Variants in PIWIL4 observed in about 807,000 individuals in gnomAD.
The protein encoded by PIWIL4 is piwi-like protein 4.
Under a neutral mutation model 100.9 loss-of-function variants are expected in PIWIL4, and 50 were observed. The observed-to-expected ratio is 0.50, with a 90% CI of 0.39 to 0.63. The LOEUF is 0.63. Ranked by LOEUF, PIWIL4 falls within the 20% of genes least tolerant of loss-of-function variation. The pLI, the probability that PIWIL4 is intolerant of heterozygous loss-of-function variation, is 0.00. For synonymous variants in PIWIL4, 342 were observed against 367.5 expected (o/e 0.93, Z 0.79); for missense variants, 887 against 1,043.3 (o/e 0.85, Z 2.06).
chr11:94,570,616 C>T (rs1049971819), intron 2 of PIWIL4, among the ~76,000 whole-genome samples: 5 of 152,012 alleles, frequency 3.3e-5, no homozygotes, highest in African/African-American at 7.2e-5. Flanking sequence ...CCAGGCCGGG[C>T]GTGATGGCTC....
chr11:94,578,730 T>C (rs1467822723), intron 4 of PIWIL4, among the ~76,000 whole-genome samples: 2 of 152,256 alleles, frequency 1.3e-5, no homozygotes, highest in Non-Finnish European at 2.9e-5. Flanking sequence ...GTCTTATTCT[T>C]AGTGTCTCAC....
Position 94,567,625 on chromosome 11 carries a change from C to T in PIWIL4, c.87+20C>T, listed in dbSNP as rs767224317. ...CCATTGGTGTGTAGAATGCTTATTGCGCATGGTTTCGTTTTCTCCTACCTC... is the reference window on the plus strand; with the variant it reads ...CCATTGGTGTGTAGAATGCTTATTGTGCATGGTTTCGTTTTCTCCTACCTC... On this transcript the variant is annotated intron_variant, in intron 1 of 19. Coordinates refer to ENST00000299001, the MANE Select transcript of PIWIL4 (RefSeq NM_152431.3). The T allele has an allele frequency of 3.2e-6, 5 of 1,568,790 alleles. No individual in the cohort carries two copies. Among genetic ancestry groups the T allele is most frequent in the Non-Finnish European group, 2.6e-6 (3 of 1,153,374 alleles).
intron 11 of PIWIL4, among the ~76,000 whole-genome samples, chr11:94,600,570 G>A (rs1185548454): frequency 2.0e-5 from 3 of 152,224 alleles, no homozygotes; most frequent in East Asian, 1.9e-4. Flanking sequence ...ACAGGACCGG[G>A]CGAAATTAAA....
chr11:94,569,808 G>A lies in PIWIL4; in HGVS notation c.166+1000G>A, dbSNP rs558772590. Among the ~76,000 whole-genome samples the A allele has an allele frequency of 4.0e-5, 6 of 151,896 alleles. No individual in the cohort carries two copies. The East Asian group carries it at 7.7e-4, about 20-fold the overall frequency. Reference sequence around the variant, plus strand: ...GTGGAATAATAGACATTGGAGACTCGGAAGGTTGGGAGGGTGGGAGGGGAG... The same window carrying A: ...GTGGAATAATAGACATTGGAGACTCAGAAGGTTGGGAGGGTGGGAGGGGAG... On this transcript the variant is annotated intron_variant, in intron 2 of 19. Transcript: ENST00000299001.
intron 10 of PIWIL4, among the ~76,000 whole-genome samples, chr11:94,596,241 A>T (rs957139277): frequency 1.3e-5 from 2 of 150,400 alleles, no homozygotes; most frequent in African/African-American, 4.9e-5. Context: ...TATATTGTTG[A>T]TCAACAGTCT....
chr11:94,598,342 A>C (rs1948585677), intron 11 of PIWIL4, among the ~76,000 whole-genome samples: 1 of 152,198 alleles, frequency 6.6e-6, no homozygotes, highest in Admixed American at 6.5e-5. Flanking sequence ...TTGCCATGTC[A>C]GTTATGTATG....
At chr11:94,585,394 A>G in intron 5 of PIWIL4, 51 bp from the exon 6 acceptor site, 1 of 1,291,998 alleles carries the variant, frequency 7.7e-7, no homozygotes, top group Non-Finnish European at 1.1e-6. Context: ...ACTTAGAATT[A>G]CACTGTTACT....
chr11:94,578,559 A>G (rs1003124020), intron 4 of PIWIL4, among the ~76,000 whole-genome samples: 1 of 152,182 alleles, frequency 6.6e-6, no homozygotes, highest in African/African-American at 2.4e-5. Context: ...ATCCATTCGT[A>G]AACTGCTGAT....
Position 94,568,749 on chromosome 11 carries a change from G to A in PIWIL4, c.107G>A (p.Ser36Asn). 1 of 1,608,042 alleles carries A rather than the reference G, an allele frequency of 6.2e-7. No homozygotes were observed. Among genetic ancestry groups the A allele is most frequent in the Non-Finnish European group, 8.5e-7 (1 of 1,174,580 alleles). ...TTTTAGCCTAGATCTGTTGATCTTA[G>A]TAACAATGAAGCATCCTCTAGCAAT... is the stretch of plus-strand genomic sequence containing the variant. ...ASPLPRSVDL[S>N]NNEASSSNGF... Residue 36 changes from serine (S) to asparagine (N), a missense_variant, in exon 2 of 20, where the codon AGT becomes AAT. Physicochemically the swap from Ser to Asn is conservative, Grantham distance 46 (BLOSUM62 1). This residue lies in a region of PIWIL4 where 146 missense variants were observed against 113.4 expected (regional missense o/e 1.29). Coordinates refer to ENST00000299001, the MANE Select transcript of PIWIL4 (RefSeq NM_152431.3).
chr11:94,592,986 A>C lies in PIWIL4; in HGVS notation c.1027-532A>C, dbSNP rs559573186. On this transcript the variant is annotated intron_variant, in intron 8 of 19. Transcript: ENST00000299001. ...AGCAAATAGAAGAGCTGGGGATCAGATTCACATTTGTCAGACTTCAGGGCT... is the reference window on the plus strand; with the variant it reads ...AGCAAATAGAAGAGCTGGGGATCAGCTTCACATTTGTCAGACTTCAGGGCT... Among the ~76,000 whole-genome samples, 17 of 152,330 alleles carry C rather than the reference A, an allele frequency of 1.1e-4. No homozygotes were observed. The South Asian group carries it at 3.5e-3, about 32-fold the overall frequency.
intron 15 of PIWIL4, among the ~76,000 whole-genome samples, chr11:94,612,608 A>G (rs1252368844): frequency 6.6e-6 from 1 of 151,776 alleles, no homozygotes; most frequent in Non-Finnish European, 1.5e-5. Flanking sequence ...TTTTTTGTAG[A>G]TTGTTTCTTT....
At chr11:94,617,881 C>T (rs1278877718) in intron 16 of PIWIL4, 73 bp from the exon 17 acceptor site, 2 of 1,505,078 alleles carry the variant, frequency 1.3e-6, no homozygotes, top group South Asian at 2.3e-5. Context: ...TTAAACACTG[C>T]AATATATGGG....
chr11:94,615,799 A>G (rs1311655830), intron 15 of PIWIL4, among the ~76,000 whole-genome samples: 1 of 152,166 alleles, frequency 6.6e-6, no homozygotes, highest in Admixed American at 6.6e-5. Context: ...CACCACATGT[A>G]GCTGTATTAC....
At chr11:94,592,671 T>C (rs1948503073) in intron 8 of PIWIL4, among the ~76,000 whole-genome samples, 1 of 152,236 alleles carries the variant, frequency 6.6e-6, no homozygotes, top group Non-Finnish European at 1.5e-5. Flanking sequence ...CCCAGGCATT[T>C]TGTAAATTAT....
In PIWIL4 at chr11:94,585,495, C is replaced by T. The variant is rs766088091; in HGVS notation, c.686C>T (p.Pro229Leu). 6.2e-7 allele frequency: 1 copy of T among 1,610,036 alleles called. No homozygotes were observed. The highest frequency in any genetic ancestry group is 2.2e-5 in the East Asian group (1 of 44,766). Residue 229 changes from proline to leucine, a missense_variant, in exon 6 of 20, where the codon CCT (proline) becomes CTT (leucine). Pro to Leu is a moderately conservative substitution (Grantham distance 98). Coordinates refer to ENST00000299001, the MANE Select transcript of PIWIL4 (RefSeq NM_152431.3). The stretch of plus-strand genomic sequence containing the variant: ...CAAATTGGACGGAACTTCTATAATC[C>T]TTCAGAGCCAATGGAAATTCCCCAG... ...MYQIGRNFYN[P>L]SEPMEIPQHK...
rs1342582298 is a variant in PIWIL4, at chr11:94,581,658, G to C, written c.514-1790G>C. ...TTTACAGAAGGAGGTGGGAAGAGTA[G>C]TAAAGTGCCACTGAAATAGTGTGGG... On this transcript the variant is annotated intron_variant, in intron 4 of 19. Transcript: ENST00000299001. 2.0e-5 allele frequency among the ~76,000 whole-genome samples: 3 copies of C among 152,238 alleles called. No homozygotes were observed. In the East Asian group the frequency reaches 5.8e-4, roughly 29 times the overall value.
At chr11:94,581,299 T>C (rs1948313893) in intron 4 of PIWIL4, among the ~76,000 whole-genome samples, 1 of 152,128 alleles carries the variant, frequency 6.6e-6, no homozygotes, top group Non-Finnish European at 1.5e-5. Flanking sequence ...GAGAGCTTGA[T>C]GAAAGGCAAG....
chr11:94,580,549 C>T (rs1188847752), intron 4 of PIWIL4, among the ~76,000 whole-genome samples: 1 of 152,232 alleles, frequency 6.6e-6, no homozygotes, highest in Non-Finnish European at 1.5e-5. Context: ...AAAGAGCCTA[C>T]TCTGAACCTG....
chr11:94,579,971 C>T (rs1948290916), intron 4 of PIWIL4, among the ~76,000 whole-genome samples: 1 of 152,150 alleles, frequency 6.6e-6, no homozygotes, highest in Non-Finnish European at 1.5e-5. Flanking sequence ...CAGCTTACTT[C>T]CATTGTACCT....
Sources: gnomAD v4.1 joint callset for allele counts (sites outside exome capture counted in the v4.1 genomes callset) on GRCh38, gnomAD v4.1.1 for gene constraint, gnomAD v4.1.1 regional missense constraint, MANE v1.5 for transcripts, NCBI Gene and HGNC (gene_info 2026-07-23, HGNC 2026-07-21) for gene names.